Variants in MBNL1 observed in about 807,000 individuals in gnomAD.
The protein encoded by MBNL1 is muscleblind like splicing regulator 1, also known as muscleblind-like protein 1.
In MBNL1, 8 loss-of-function variants were observed where a neutral mutation model predicts 42.2. The ratio of observed to expected loss-of-function variants is 0.19; its 90% CI spans 0.11 to 0.34. The LOEUF (loss-of-function observed/expected upper bound fraction) is 0.34. Ranked by LOEUF, MBNL1 falls within the 10% of genes least tolerant of loss-of-function variation. The probability of loss-of-function intolerance (pLI) is 1.00; values close to 1 mark genes in which losing one functional copy is unlikely to be tolerated. For synonymous variants in MBNL1, 169 were observed against 173.9 expected, an observed-to-expected ratio of 0.97 and a Z score of 0.22; for missense variants, 309 against 495.3, an observed-to-expected ratio of 0.62 and a Z score of 3.57.
At chr3:152,441,349 T>C (rs1458232635) in intron 4 of MBNL1, among the ~76,000 whole-genome samples, 1 of 152,210 alleles carries the variant, frequency 6.6e-6, no homozygotes, top group Non-Finnish European at 1.5e-5. Flanking sequence ...ATTCATATTA[T>C]CCAGATTTGT....
intron 3 of MBNL1, among the ~76,000 whole-genome samples, chr3:152,422,727 G>T (rs549965540): frequency 8.1e-4 from 123 of 152,282 alleles, no homozygotes; most frequent in Non-Finnish European, 1.5e-3. Flanking sequence ...AGGTGCAAAA[G>T]AACAGATATC....
chr3:152,446,811 G>GTT (rs576213911), intron 5 of MBNL1: 145 of 1,364,546 alleles, frequency 1.1e-4, no homozygotes, highest in Non-Finnish European at 1.2e-4. Flanking sequence ...GTAGATACAA[G>GTT]TTTTTTTTTT....
chr3:152,323,629 A>G (rs1431115336), intron 2 of MBNL1, among the ~76,000 whole-genome samples: 1 of 152,148 alleles, frequency 6.6e-6, no homozygotes, highest in Non-Finnish European at 1.5e-5. Context: ...CTAGGCTGCA[A>G]ACGTATACAG....
intron 2 of MBNL1, among the ~76,000 whole-genome samples, chr3:152,327,363 A>G (rs537972786): frequency 1.3e-5 from 2 of 149,040 alleles, no homozygotes; most frequent in Admixed American, 1.3e-4. Flanking sequence ...CTTTTTTTTT[A>G]TTTGAGACAG....
chr3:152,359,692 G>T (rs1195431666), intron 2 of MBNL1, among the ~76,000 whole-genome samples: 1 of 152,154 alleles, frequency 6.6e-6, no homozygotes, highest in Non-Finnish European at 1.5e-5. Context: ...AAAGATAAGG[G>T]ATGGTTCTAG....
chr3:152,350,562 C>G (rs1437333255), intron 2 of MBNL1, among the ~76,000 whole-genome samples: 1 of 152,034 alleles, frequency 6.6e-6, no homozygotes, highest in Admixed American at 6.6e-5. Context: ...GAAGGGGCAG[C>G]CGTCAGTGGA....
chr3:152,303,181 G>A (rs542814740), intron 2 of MBNL1, among the ~76,000 whole-genome samples: 15 of 152,186 alleles, frequency 9.9e-5, no homozygotes, highest in South Asian at 2.1e-4. Context: ...TAAATATACC[G>A]TATGTAAATG....
At chr3:152,388,494 AAT>A (rs537664414) in intron 2 of MBNL1, among the ~76,000 whole-genome samples, 177 of 152,368 alleles carry the variant, frequency 1.2e-3, no homozygotes, top group Non-Finnish European at 2.2e-3. Context: ...TGAGTGAAAC[AAT>A]AAATGTCTGT....
At chr3:152,386,429 C>T (rs1183538052) in intron 2 of MBNL1, among the ~76,000 whole-genome samples, 1 of 152,010 alleles carries the variant, frequency 6.6e-6, no homozygotes, top group Non-Finnish European at 1.5e-5. Context: ...TCTATGGCAA[C>T]AACTTTTAAT....
chr3:152,384,372 A>G (rs575640261), intron 2 of MBNL1, among the ~76,000 whole-genome samples: 2 of 152,216 alleles, frequency 1.3e-5, no homozygotes, highest in African/African-American at 4.8e-5. Context: ...TTGCCTGACT[A>G]GAGAGTTACA....
At chr3:152,246,317 A>G (rs1292370865) in intron 2 of MBNL1, among the ~76,000 whole-genome samples, 1 of 152,142 alleles carries the variant, frequency 6.6e-6, no homozygotes, top group Admixed American at 6.6e-5. Flanking sequence ...AGGCTAAAGC[A>G]GCAGAGAAGA....
At chr3:152,306,568 T>G (rs2063260778) in intron 2 of MBNL1, among the ~76,000 whole-genome samples, 1 of 152,218 alleles carries the variant, frequency 6.6e-6, no homozygotes, top group East Asian at 1.9e-4. Flanking sequence ...TTGACTGATT[T>G]TGGTAGCAGG....
intron 2 of MBNL1, among the ~76,000 whole-genome samples, chr3:152,363,885 C>T (rs1175322522): frequency 6.6e-6 from 1 of 151,902 alleles, no homozygotes; most frequent in Non-Finnish European, 1.5e-5. Flanking sequence ...CAATTCCTGC[C>T]CATTTGTATA....
At chr3:152,398,877 T>C (rs1323844539) in intron 2 of MBNL1, among the ~76,000 whole-genome samples, 2 of 152,228 alleles carry the variant, frequency 1.3e-5, no homozygotes, top group Admixed American at 1.3e-4. Flanking sequence ...TACTTGTCAC[T>C]GATGCCCCAA....
chr3:152,445,490 A>C lies in MBNL1; in HGVS notation c.758A>C (p.Gln253Pro). The C allele has an allele frequency of 6.3e-7, 1 of 1,599,628 alleles. No homozygotes were observed. Among genetic ancestry groups the C allele is most frequent in the Non-Finnish European group, 8.5e-7 (1 of 1,171,064 alleles). The change falls in exon 5 of 10, where the codon CAG becomes CCG. Residue 253 changes from glutamine to proline, a missense_variant. Transcript: ENST00000324210. ...GCCAAGATCAAGGCTGCCCAATACC[A>C]GGTCAACCAGGCTGCAGCTGCACAG... Reference protein sequence around the residue: ...LQAKIKAAQYQVNQAAAAQAA... With the variant: ...LQAKIKAAQYPVNQAAAAQAA...
intron 2 of MBNL1, among the ~76,000 whole-genome samples, chr3:152,333,543 T>C (rs1403166155): frequency 6.6e-6 from 1 of 152,192 alleles, no homozygotes; most frequent in Non-Finnish European, 1.5e-5. Flanking sequence ...TTTCAGGAGC[T>C]GCATTCTCTG....
At chr3:152,458,449 A>G in intron 8 of MBNL1, 1 of 461,726 alleles carries the variant, frequency 2.2e-6, no homozygotes. Flanking sequence ...ATTTTATAGA[A>G]GAGACTTAAG....
chr3:152,279,149 A>G (rs765083807), intron 1 of MBNL1, among the ~76,000 whole-genome samples: 5 of 152,104 alleles, frequency 3.3e-5, no homozygotes, highest in Admixed American at 6.6e-5. Flanking sequence ...CGTCTTTTCT[A>G]TGTGAGGCCT....
chr3:152,265,978 G>T (rs547154553), upstream of MBNL1: 1 of 152,142 alleles, frequency 6.6e-6, no homozygotes, highest in African/African-American at 2.4e-5. Context: ...TTGAAATGTG[G>T]TTAGGATGCT....
Sources: allele counts gnomAD v4.1 joint callset (sites outside exome capture counted in the v4.1 genomes callset), GRCh38; gene constraint gnomAD v4.1.1; transcripts MANE v1.5; gene names NCBI Gene and HGNC (gene_info 2026-07-23, HGNC 2026-07-21).